PARD6G: variants seen among roughly 807,000 people sequenced by gnomAD.
The protein encoded by PARD6G is par-6 family cell polarity regulator gamma, also known as partitioning defective 6 homolog gamma.
Under a neutral mutation model 10.7 loss-of-function variants are expected in PARD6G, and 7 were observed. The observed-to-expected ratio is 0.66, with a 90% CI of 0.37 to 1.23. The LOEUF (loss-of-function observed/expected upper bound fraction) is 1.23, where lower values mean the gene tolerates loss of function less well. PARD6G is among the 50% of genes most tolerant of loss of function. The probability of loss-of-function intolerance (pLI) is 0.02; values close to 1 mark genes in which losing one functional copy is unlikely to be tolerated. For synonymous variants in PARD6G, 287 were observed against 269.4 expected (o/e 1.07, Z -0.64); for missense variants, 548 against 571.8 (o/e 0.96, Z 0.42).
chr18:80,230,336 T>C (rs1401604064), intron 1 of PARD6G, among the ~76,000 whole-genome samples: 2 of 152,042 alleles, frequency 1.3e-5, no homozygotes, highest in Non-Finnish European at 2.9e-5. Context: ...GAAAAGAGAG[T>C]GCAACAGGTC....
intron 2 of PARD6G, among the ~76,000 whole-genome samples, chr18:80,177,519 C>T (rs1028711063): frequency 8.5e-5 from 12 of 140,514 alleles, no homozygotes; most frequent in South Asian, 4.7e-4. Flanking sequence ...CACATGCATA[C>T]GTGCACACAC....
intron 2 of PARD6G, among the ~76,000 whole-genome samples, chr18:80,196,695 C>T (rs139471731): frequency 3.3e-5 from 5 of 152,186 alleles, no homozygotes; most frequent in East Asian, 1.9e-4. Context: ...CTGCAGGGCT[C>T]GGCTTCATGT....
At position 80,191,243 on chromosome 18, in the gene PARD6G, G is replaced by A. The variant is rs890934414; in HGVS notation, c.295+11467C>T. On this transcript the variant is annotated intron_variant, in intron 2 of 2. Transcript: ENST00000353265. ...GCTGATCACCTGTTAACCTCAAACC[G>A]GCCACCTCCCCAGGACCTGCAGGAG... is the stretch of plus-strand genomic sequence containing the variant. Among the ~76,000 whole-genome samples, 16 of 152,108 alleles carry A rather than the reference G, an allele frequency of 1.1e-4. 1 individual carries two copies. Among genetic ancestry groups the A allele is most frequent in the East Asian group, 1.9e-4 (1 of 5,200 alleles).
chr18:80,226,405 A>G (rs1253376668), intron 1 of PARD6G, among the ~76,000 whole-genome samples: 1 of 152,046 alleles, frequency 6.6e-6, no homozygotes, highest in East Asian at 1.9e-4. Context: ...TCCCGACCTC[A>G]GGTGATCCGC....
At chr18:80,168,654 G>T (rs2052753401) in intron 2 of PARD6G, among the ~76,000 whole-genome samples, 1 of 150,060 alleles carries the variant, frequency 6.7e-6, no homozygotes, top group Non-Finnish European at 1.5e-5. Context: ...GTCTCGCTCT[G>T]TCACCCAGGC....
At position 80,158,143 on chromosome 18, in the gene PARD6G, T is replaced by G. The variant is rs1326415191; in HGVS notation, c.*1628A>C. The G allele has an allele frequency of 6.6e-6, 1 of 152,220 alleles. No individual in the cohort carries two copies. The highest frequency in any genetic ancestry group is 6.5e-5 in the Admixed American group (1 of 15,292). The allele number at this position is 152,220 out of a possible 1,614,324, so 9.4% of individuals were successfully genotyped here. On this transcript the variant is annotated 3_prime_UTR_variant, in exon 3 of 3. Transcript: ENST00000353265. ...TAAATATATAAACGTTGCTGGAAGA[T>G]CAACATAAAGTGAGGATGAATTTAG...
Position 80,183,707 on chromosome 18 carries a change from A to G in PARD6G, c.295+19003T>C, listed in dbSNP as rs2052859294. 6.6e-6 allele frequency: 1 copy of G among 152,374 alleles called. No homozygotes were observed. The highest frequency in any genetic ancestry group is 2.1e-4 in the South Asian group (1 of 4,834). The allele number at this position is 152,374 out of a possible 1,614,324, so 9.4% of individuals were successfully genotyped here. On this transcript the variant is annotated intron_variant, in intron 2 of 2. Coordinates refer to ENST00000353265, the MANE Select transcript of PARD6G (RefSeq NM_032510.4). The surrounding 1 kb of genome is among the most constrained non-coding windows in gnomAD (Gnocchi z 4.5). ...GTGTATGGACTTAGCAAAACCAGTC[A>G]TAATGATTTTTCTATATCAAAACCA... is the stretch of plus-strand genomic sequence containing the variant.
intron 2 of PARD6G, among the ~76,000 whole-genome samples, chr18:80,163,755 A>C (rs1249457429): frequency 1.3e-5 from 2 of 152,180 alleles, no homozygotes; most frequent in East Asian, 3.9e-4. Flanking sequence ...ACTTAGGTAG[A>C]CCAGGGTTCC....
In PARD6G at chr18:80,246,019, G is replaced by A. The variant is rs559874677; in HGVS notation, c.72+1258C>T. On this transcript the variant is annotated intron_variant, in intron 1 of 2. Coordinates refer to ENST00000353265, the MANE Select transcript of PARD6G (RefSeq NM_032510.4). The surrounding 1 kb of genome is among the most constrained non-coding windows in gnomAD (Gnocchi z 6.7). ...CACCTCCCCGCCTCAATCCTCTGCA[G>A]ACACCCTGGAAATCCTACTCCAAAG... Among the ~76,000 whole-genome samples, 1 of 152,208 alleles carries A rather than the reference G, an allele frequency of 6.6e-6. No individual in the cohort carries two copies. Among genetic ancestry groups the A allele is most frequent in the South Asian group, 2.1e-4 (1 of 4,824 alleles).
At chr18:80,204,312 AG>A (rs2145281954) in intron 1 of PARD6G, among the ~76,000 whole-genome samples, 1 of 152,326 alleles carries the variant, frequency 6.6e-6, no homozygotes, top group African/African-American at 2.4e-5. Context: ...TGTTTGTGCC[AG>A]GATCACCTGG....
intron 1 of PARD6G, among the ~76,000 whole-genome samples, chr18:80,237,081 G>A (rs1269690180): frequency 6.6e-6 from 1 of 152,100 alleles, no homozygotes; most frequent in Admixed American, 6.6e-5. Context: ...GAGGCATCAA[G>A]CTACCTGACT....
intron 1 of PARD6G, among the ~76,000 whole-genome samples, chr18:80,233,977 C>A (rs1233270082): frequency 2.0e-5 from 3 of 152,158 alleles, no homozygotes; most frequent in Non-Finnish European, 4.4e-5. Flanking sequence ...CACGAACACC[C>A]TCCGAGTGTA....
chr18:80,167,249 G>A (rs2145246934), intron 2 of PARD6G, among the ~76,000 whole-genome samples: 1 of 152,094 alleles, frequency 6.6e-6, no homozygotes, highest in Non-Finnish European at 1.5e-5. Flanking sequence ...GATAACACAT[G>A]GGCAGTGTTG....
chr18:80,185,676 A>T (rs973276152), intron 2 of PARD6G, among the ~76,000 whole-genome samples: 8 of 150,288 alleles, frequency 5.3e-5, no homozygotes, highest in African/African-American at 2.0e-4. Context: ...GCACACCCTC[A>T]CACATGCATA....
At chr18:80,206,986 T>C (rs552813357) in intron 1 of PARD6G, among the ~76,000 whole-genome samples, 2 of 151,206 alleles carry the variant, frequency 1.3e-5, no homozygotes, top group Admixed American at 6.6e-5. Context: ...CAGATGTTTA[T>C]TTGGATGGCT....
intron 2 of PARD6G, among the ~76,000 whole-genome samples, chr18:80,190,191 TC>T (rs1004890797): frequency 2.8e-4 from 43 of 152,342 alleles, no homozygotes; most frequent in African/African-American, 9.9e-4. Context: ...CTGCTTAATA[TC>T]GTCAAGAGCC....
intron 2 of PARD6G, among the ~76,000 whole-genome samples, chr18:80,166,388 T>C (rs34183539): frequency 0.19 from 28,143 of 151,184 alleles, 2,821 homozygotes; most frequent in Middle Eastern, 0.27. Context: ...CGACACAGTC[T>C]GGGGCACGTG....
In PARD6G at chr18:80,157,815, A is replaced by C. The variant is rs4799137; in HGVS notation, c.*1956T>G. ...ACTCCTCAGCAAAAGCTATTTCTTA[A>C]AAATAGAACTTGCTTTTCACTTAAT... On this transcript the variant is annotated 3_prime_UTR_variant, in exon 3 of 3. Coordinates refer to ENST00000353265, the MANE Select transcript of PARD6G (RefSeq NM_032510.4). 0.86 allele frequency: 130,524 copies of C among 152,238 alleles called. 56,031 individuals carry two copies. The highest frequency in any genetic ancestry group is 0.87 in the Non-Finnish European group (59,459 of 68,026). The allele number at this position is 152,238 out of a possible 1,614,324, so 9.4% of individuals were successfully genotyped here. A position where few individuals can be genotyped will look rare whatever the true frequency, so the allele number is the denominator to read the frequency against.
Position 80,246,319 on chromosome 18 carries a change from A to G in PARD6G, c.72+958T>C, listed in dbSNP as rs1282718052. ...AGCACCTCCTCAGCCCGCGGGGTCC[A>G]CCAAGGAGACCCTCACAAACAATAG... On this transcript the variant is annotated intron_variant, in intron 1 of 2. Transcript: ENST00000353265. The surrounding 1 kb of genome is among the most constrained non-coding windows in gnomAD (Gnocchi z 6.7). 6.6e-6 allele frequency among the ~76,000 whole-genome samples: 1 copy of G among 152,184 alleles called. No individual in the cohort carries two copies. The highest frequency in any genetic ancestry group is 1.5e-5 in the Non-Finnish European group (1 of 68,026).
Sources: gnomAD v4.1 joint callset for allele counts (sites outside exome capture counted in the v4.1 genomes callset) on GRCh38, gnomAD v4.1.1 for gene constraint, Gnocchi (gnomAD v3.1) non-coding constraint, MANE v1.5 for transcripts, NCBI Gene and HGNC (gene_info 2026-07-23, HGNC 2026-07-21) for gene names.